Variants in OBSL1 observed in about 807,000 individuals in gnomAD.
The protein encoded by OBSL1 is obscurin like cytoskeletal adaptor 1.
OBSL1 carries 160 observed loss-of-function variants against 172.0 expected under a neutral mutation model. That is an observed-to-expected ratio of 0.93 (90% confidence interval 0.82 to 1.06). The LOEUF (loss-of-function observed/expected upper bound fraction) is 1.06, where lower values mean the gene tolerates loss of function less well. OBSL1 is among the 50% of genes least tolerant of loss of function. The pLI is 0.00. For synonymous variants in OBSL1, 1,200 were observed against 1,196.3 expected (o/e 1.00, Z -0.06); for missense variants, 2,681 against 2,715.4 (o/e 0.99, Z 0.28).
intron 9 of OBSL1, among the ~76,000 whole-genome samples, 167 bp from the exon 10 acceptor site, chr2:219,558,626 G>A (rs957085427): frequency 6.6e-6 from 1 of 152,252 alleles, no homozygotes; most frequent in Non-Finnish European, 1.5e-5. Context: ...TAAGAACCCT[G>A]TGTTTTTTCA....
intron 18 of OBSL1, 26 bp downstream of exon 18, chr2:219,552,510 C>T (rs1372293260): frequency 1.0e-5 from 16 of 1,584,290 alleles, no homozygotes; most frequent in Non-Finnish European, 1.3e-5. Context: ...AGCGAGGGGC[C>T]CGAAAGGGTA....
chr2:219,557,838 T>C lies in OBSL1; in HGVS notation c.3775A>G (p.Thr1259Ala), dbSNP rs777013295. 2 of 1,598,648 alleles carry C rather than the reference T, an allele frequency of 1.3e-6. No homozygotes were observed. The highest frequency in any genetic ancestry group is 1.3e-5 in the African/African-American group (1 of 74,776). ...CTGTACTCACCAGCCACCTGGACGG[T>C]GAAGCTGAGGCTTGGGGCTCCGGGG... is the stretch of plus-strand genomic sequence containing the variant. Reference protein sequence around the residue: ...AAPGAPSLSFTVQVAEPPVRV... With the variant: ...AAPGAPSLSFAVQVAEPPVRV... Residue 1259 changes from threonine to alanine, a missense_variant, in exon 11 of 21, where the codon ACC (threonine) becomes GCC (alanine). Physicochemically the swap from Thr to Ala is moderately conservative, Grantham distance 58. Coordinates refer to ENST00000404537, the MANE Select transcript of OBSL1 (RefSeq NM_015311.3).
downstream of OBSL1, chr2:219,548,196 A>G (rs1695434702): frequency 1.0e-6 from 1 of 993,418 alleles, no homozygotes; most frequent in Non-Finnish European, 1.4e-6. Flanking sequence ...GGCGGTAGAG[A>G]GCTGACTTGC....
intron 8 of OBSL1, 120 bp from the exon 9 acceptor site, chr2:219,559,617 T>G: frequency 1.2e-6 from 1 of 861,036 alleles, no homozygotes; most frequent in Non-Finnish European, 1.8e-6. Flanking sequence ...AAAATAATAA[T>G]AAGCAATAAT....
chr2:219,563,956 A>G (rs1204126030), intron 6 of OBSL1, among the ~76,000 whole-genome samples: 1 of 152,200 alleles, frequency 6.6e-6, no homozygotes, highest in Non-Finnish European at 1.5e-5. Context: ...GTCACAAGTC[A>G]CATCAGGGCC....
At chr2:219,566,053 G>A (rs565947705) in intron 5 of OBSL1, among the ~76,000 whole-genome samples, 1 of 152,154 alleles carries the variant, frequency 6.6e-6, no homozygotes, top group Non-Finnish European at 1.5e-5. Context: ...TCAGGAGCCC[G>A]ACTGCCTGGG....
In OBSL1 at chr2:219,551,670, G is replaced by A; in HGVS notation, c.5542C>T (p.Leu1848=). The change falls in exon 20 of 21, where the codon CTG becomes TTG. Residue 1848 remains leucine (L), a synonymous_variant. Transcript: ENST00000404537. The part of the protein sequence containing the change: ...HVCWLREGAE[L]CPGDKYEMRS... ...ATCTCATACTTATCTCCCGGGCACA[G>A]CTCGGCCCCCTCCCGCAGCCAGCAC... The A allele has an allele frequency of 6.2e-7, 1 of 1,611,352 alleles. No individual in the cohort carries two copies. The highest frequency in any genetic ancestry group is 1.1e-5 in the South Asian group (1 of 90,870).
chr2:219,552,472 G>C, intron 18 of OBSL1, 64 bp downstream of exon 18: 2 of 1,480,074 alleles, frequency 1.4e-6, no homozygotes, highest in Non-Finnish European at 1.8e-6. Context: ...TCCCGGTGGG[G>C]CGGGATCTGT....
Position 219,563,364 on chromosome 2 carries a change from T to C in OBSL1, c.2671A>G (p.Thr891Ala), listed in dbSNP as rs763642006. Residue 891 changes from threonine (T) to alanine (A), a missense_variant, in exon 7 of 21, where the codon ACC becomes GCC. Thr to Ala is a moderately conservative substitution (Grantham distance 58). Around this residue, in one of 5 missense-constraint regions of OBSL1, gnomAD observed 1,765 missense variants for 1,748.3 expected, o/e 1.01. Coordinates refer to ENST00000404537, the MANE Select transcript of OBSL1 (RefSeq NM_015311.3). ...AGDECAYFTVTITDVSSWIVY... is the reference protein window; with the variant it reads ...AGDECAYFTVAITDVSSWIVY... Reference sequence around the variant, plus strand: ...CCACCTGGCCCCCCACCTGTGATGGTGACAGTGAAGTAGGCACACTCATCT... The same window carrying C: ...CCACCTGGCCCCCCACCTGTGATGGCGACAGTGAAGTAGGCACACTCATCT... The C allele has an allele frequency of 2.3e-5, 36 of 1,570,796 alleles. 1 individual carries two copies. In the South Asian group the frequency reaches 3.3e-4, roughly 15 times the overall value.
chr2:219,557,254 GC>G, intron 12 of OBSL1, 88 bp downstream of exon 12: 4 of 1,306,784 alleles, frequency 3.1e-6, no homozygotes, highest in Non-Finnish European at 4.1e-6. Flanking sequence ...AAGCAGCAAA[GC>G]GGGGGTGGAG....
At position 219,568,076 on chromosome 2, in the gene OBSL1, C is replaced by G. The variant is rs371966827; in HGVS notation, c.1261G>C (p.Val421Leu). The part of the protein sequence containing the change: ...LCEMRGRVRT[V>L]ANVTVKGPIL... ...TGACCTTTGACTGTGACGTTGGCCACGGTGCGCACCCGGCCCCGCATCTCG... is the reference window on the plus strand; with the variant it reads ...TGACCTTTGACTGTGACGTTGGCCAGGGTGCGCACCCGGCCCCGCATCTCG... Residue 421 changes from valine to leucine, a missense_variant, in exon 2 of 21, where the codon GTG becomes CTG. By Grantham distance (32) the Val-to-Leu change is conservative. This residue lies in a region of OBSL1 where 706 missense variants were observed against 695.8 expected (regional missense o/e 1.01). Transcript: ENST00000404537. This position sits in a 1 kb window ranked among gnomAD's most constrained non-coding sequence, Gnocchi z 4.1. 51 of 1,610,046 alleles carry G rather than the reference C, an allele frequency of 3.2e-5. No homozygotes were observed. The African/African-American group carries it at 6.1e-4, about 19-fold the overall frequency.
intron 8 of OBSL1, among the ~76,000 whole-genome samples, chr2:219,560,777 C>T (rs1696405686): frequency 6.6e-6 from 1 of 152,216 alleles, no homozygotes; most frequent in African/African-American, 2.4e-5. Flanking sequence ...CAGGCTGGTC[C>T]TCTGGGGCCG....
At chr2:219,565,136 T>G (rs1204979016) in intron 6 of OBSL1, 106 bp downstream of exon 6, 1 of 1,207,438 alleles carries the variant, frequency 8.3e-7, no homozygotes, top group African/African-American at 1.5e-5. Flanking sequence ...CACTGGACTC[T>G]CCCTGTAAAG....
At position 219,556,152 on chromosome 2, in the gene OBSL1, C is replaced by A; in HGVS notation, c.4477G>T (p.Asp1493Tyr). 6.2e-7 allele frequency: 1 copy of A among 1,613,756 alleles called. No individual in the cohort carries two copies. Among genetic ancestry groups the A allele is most frequent in the Non-Finnish European group, 8.5e-7 (1 of 1,179,818 alleles). The change falls in exon 14 of 21, where the codon GAC becomes TAC. Residue 1493 changes from aspartate (D) to tyrosine (Y), a missense_variant. Asp to Tyr is a radical substitution (Grantham distance 160). Transcript: ENST00000404537. ...TCCTGGGCCATGGACAGGCGAGAGT[C>A]GTGGGGCAGGGGCTGCCCACCTCGC... is the stretch of plus-strand genomic sequence containing the variant. ...WVRGGQPLPH[D>Y]SRLSMAQDGH...
Position 219,554,629 on chromosome 2 carries a change from C to T in OBSL1, c.4721G>A (p.Arg1574Gln), listed in dbSNP as rs780124019. The change falls in exon 15 of 21, where the codon CGG becomes CAG. Residue 1574 changes from arginine to glutamine, a missense_variant. By Grantham distance (43) the Arg-to-Gln change is conservative (BLOSUM62 1). Coordinates refer to ENST00000404537, the MANE Select transcript of OBSL1 (RefSeq NM_015311.3). Reference protein sequence around the residue: ...SQEGVTGEWARGGVQLYPGPK... With the variant: ...SQEGVTGEWAQGGVQLYPGPK... ...TCCTGGATACAGCTGTACTCCACCC[C>T]GGGCCCACTCCCCGGTCACACCTTC... The T allele has an allele frequency of 1.3e-5, 21 of 1,611,590 alleles. No homozygotes were observed. The highest frequency in any genetic ancestry group is 5.3e-5 in the African/African-American group (4 of 74,902).
chr2:219,550,557 T>G, downstream of OBSL1: 1 of 503,520 alleles, frequency 2.0e-6, no homozygotes, highest in East Asian at 3.3e-5. Context: ...GTTTTACATC[T>G]TTTATAAATG....
In OBSL1 at chr2:219,553,001, G is replaced by C; in HGVS notation, c.5013C>G (p.Ser1671Arg). 6.6e-7 allele frequency: 1 copy of C among 1,524,002 alleles called. No homozygotes were observed. Among genetic ancestry groups the C allele is most frequent in the South Asian group, 1.2e-5 (1 of 82,306 alleles). The allele number at this position is 1,524,002 out of a possible 1,614,324, so 94.4% of individuals were successfully genotyped here. The change falls in exon 17 of 21, where the codon AGC (serine) becomes AGG (arginine). Residue 1671 changes from serine (S) to arginine (R), a missense_variant. Ser to Arg is a moderately radical substitution (Grantham distance 110). Around this residue, in one of 5 missense-constraint regions of OBSL1, gnomAD observed 1,765 missense variants for 1,748.3 expected, o/e 1.01. Transcript: ENST00000404537. The part of the protein sequence containing the change: ...WEKDGNALTP[S>R]PRLRLQALGT... ...CGAGGGCCTGGAGCCGGAGCCGCGGGCTAGGCGTAAGCGCGTTCCCGTCCT... is the reference window on the plus strand; with the variant it reads ...CGAGGGCCTGGAGCCGGAGCCGCGGCCTAGGCGTAAGCGCGTTCCCGTCCT...
In OBSL1 at chr2:219,554,626, C is replaced by T. The variant is rs756020632; in HGVS notation, c.4724G>A (p.Gly1575Asp). 2 of 1,611,650 alleles carry T rather than the reference C, an allele frequency of 1.2e-6. No homozygotes were observed. The highest frequency in any genetic ancestry group is 1.7e-6 in the Non-Finnish European group (2 of 1,178,948). Residue 1575 changes from glycine to aspartate, a missense_variant, in exon 15 of 21, where the codon GGT becomes GAT. Physicochemically the swap from Gly to Asp is moderately conservative, Grantham distance 94. Coordinates refer to ENST00000404537, the MANE Select transcript of OBSL1 (RefSeq NM_015311.3). ...QEGVTGEWAR[G>D]GVQLYPGPKC... ...GGGTCCTGGATACAGCTGTACTCCA[C>T]CCCGGGCCCACTCCCCGGTCACACC...
chr2:219,570,481 G>C lies in OBSL1; in HGVS notation c.752C>G (p.Ala251Gly). Reference sequence around the variant, plus strand: ...CTCGTTCACCCAGAAGGTCTTAGGCGCGCACTTGAGCGGCTCCACCACCGG... The same window carrying C: ...CTCGTTCACCCAGAAGGTCTTAGGCCCGCACTTGAGCGGCTCCACCACCGG... ...PAPVVEPLKC[A>G]PKTFWVNEGK... is the part of the protein sequence containing the mutation. Residue 251 changes from alanine (A) to glycine (G), a missense_variant, in exon 1 of 21, where the codon GCG becomes GGG. Physicochemically the swap from Ala to Gly is moderately conservative, Grantham distance 60 (BLOSUM62 0). Transcript: ENST00000404537. 2.5e-6 allele frequency: 4 copies of C among 1,612,588 alleles called. No individual in the cohort carries two copies. The South Asian group carries it at 4.4e-5, about 18-fold the overall frequency.
Sources: allele counts gnomAD v4.1 joint callset (sites outside exome capture counted in the v4.1 genomes callset), GRCh38; gene constraint gnomAD v4.1.1; regional missense constraint gnomAD v4.1.1; non-coding constraint Gnocchi (gnomAD v3.1); transcripts MANE v1.5; gene names NCBI Gene and HGNC (gene_info 2026-07-23, HGNC 2026-07-21).